CMYA5: variants seen among roughly 807,000 people sequenced by gnomAD.
The protein encoded by CMYA5 is cardiomyopathy associated 5.
In CMYA5, 246 loss-of-function variants were observed where a neutral mutation model predicts 318.9. The ratio of observed to expected loss-of-function variants is 0.77; its 90% CI spans 0.70 to 0.86. The LOEUF (loss-of-function observed/expected upper bound fraction) is 0.86, where lower values mean the gene tolerates loss of function less well. Ranked by LOEUF, CMYA5 falls within the 40% of genes least tolerant of loss-of-function variation. CMYA5 has a pLI of 0.00. For synonymous variants in CMYA5, 1,641 were observed against 1,729.5 expected (o/e 0.95, Z 1.27); for missense variants, 4,589 against 4,678.2 (o/e 0.98, Z 0.56).
chr5:79,769,163 C>T (rs1294980766), intron 9 of CMYA5, among the ~76,000 whole-genome samples: 1 of 152,034 alleles, frequency 6.6e-6, no homozygotes, highest in East Asian at 1.9e-4. Flanking sequence ...TTATGTTCTT[C>T]TCTAAACTGG....
intron 1 of CMYA5, among the ~76,000 whole-genome samples, chr5:79,701,172 C>T (rs764329250): frequency 1.3e-5 from 2 of 151,954 alleles, no homozygotes; most frequent in Non-Finnish European, 2.9e-5. Flanking sequence ...TCACTTGAAC[C>T]CAGCAGGTAG....
Position 79,793,472 on chromosome 5 carries a change from G to C in CMYA5, c.11825G>C (p.Cys3942Ser). The C allele has an allele frequency of 6.2e-7, 1 of 1,613,630 alleles. No individual in the cohort carries two copies. Among genetic ancestry groups the C allele is most frequent in the Non-Finnish European group, 8.5e-7 (1 of 1,179,574 alleles). Residue 3942 changes from cysteine (C) to serine (S), a missense_variant, in exon 12 of 13, where the codon TGT becomes TCT. Coordinates refer to ENST00000446378, the MANE Select transcript of CMYA5 (RefSeq NM_153610.5). Reference sequence around the variant, plus strand: ...GTGCTGGGTGAGGAGCTGCCTTCCTGTGGCCAGCATTACTGGGAAACCACA... The same window carrying C: ...GTGCTGGGTGAGGAGCTGCCTTCCTCTGGCCAGCATTACTGGGAAACCACA... ...PSVLGEELPS[C>S]GQHYWETTVT...
At chr5:79,792,195 T>A (rs562215254) in intron 11 of CMYA5, among the ~76,000 whole-genome samples, 12 of 152,242 alleles carry the variant, frequency 7.9e-5, no homozygotes, top group African/African-American at 2.9e-4. Flanking sequence ...ACTTGTGGGG[T>A]CATTTGTCAG....
chr5:79,704,714 G>T (rs969129851), intron 1 of CMYA5, among the ~76,000 whole-genome samples: 1 of 151,792 alleles, frequency 6.6e-6, no homozygotes, highest in East Asian at 1.9e-4. Context: ...AGAGAAAGAG[G>T]GAGAGAGAGA....
chr5:79,771,462 T>G (rs1372622396), intron 9 of CMYA5, among the ~76,000 whole-genome samples: 1 of 152,196 alleles, frequency 6.6e-6, no homozygotes, highest in African/African-American at 2.4e-5. Context: ...CTGAAATGAC[T>G]CATTCCCTTA....
chr5:79,768,491 C>T (rs1828795826), intron 9 of CMYA5, among the ~76,000 whole-genome samples: 1 of 152,254 alleles, frequency 6.6e-6, no homozygotes, highest in Non-Finnish European at 1.5e-5. Flanking sequence ...GTAAGGTAGG[C>T]CTGGTGGTGA....
At chr5:79,790,852 T>G in intron 10 of CMYA5, 118 bp from the exon 11 acceptor site, 1 of 669,740 alleles carries the variant, frequency 1.5e-6, no homozygotes. Flanking sequence ...CTGAAGACAC[T>G]TCGTGGGGGA....
chr5:79,730,255 A>C lies in CMYA5; in HGVS notation c.1490A>C (p.Glu497Ala). 1 of 1,614,016 alleles carries C rather than the reference A, an allele frequency of 6.2e-7. No homozygotes were observed. The highest frequency in any genetic ancestry group is 8.5e-7 in the Non-Finnish European group (1 of 1,179,886). Reference sequence around the variant, plus strand: ...CTTGAGCCATCCATTTCTCTTTCTGAACCTCTAATGTTAGAAGAACCAGAG... The same window carrying C: ...CTTGAGCCATCCATTTCTCTTTCTGCACCTCTAATGTTAGAAGAACCAGAG... ...NMLEPSISLS[E>A]PLMLEEPEKE... Residue 497 changes from glutamate to alanine, a missense_variant, in exon 2 of 13, where the codon GAA (glutamate) becomes GCA (alanine). Glu to Ala is a moderately radical substitution (Grantham distance 107). Around this residue, in one of 3 missense-constraint regions of CMYA5, gnomAD observed 2,132 missense variants for 2,131.3 expected, o/e 1.00. Transcript: ENST00000446378.
chr5:79,751,126 T>C (rs914137676), intron 5 of CMYA5, among the ~76,000 whole-genome samples: 1 of 152,176 alleles, frequency 6.6e-6, no homozygotes, highest in Non-Finnish European at 1.5e-5. Flanking sequence ...GATCCTTCCT[T>C]AGACACTTGC....
intron 1 of CMYA5, among the ~76,000 whole-genome samples, chr5:79,715,045 A>G (rs6867487): frequency 0.45 from 68,561 of 151,940 alleles, 16,470 homozygotes; most frequent in African/African-American, 0.61. Context: ...TATGTAGATT[A>G]ATTTTTTATA....
chr5:79,777,569 T>C (rs259117), intron 9 of CMYA5, among the ~76,000 whole-genome samples: 66,808 of 151,328 alleles, frequency 0.44, 15,824 homozygotes, highest in African/African-American at 0.59. Flanking sequence ...ATCAGGAGTT[T>C]GAGACCAGCC....
At chr5:79,700,227 A>G (rs6870619) in intron 1 of CMYA5, among the ~76,000 whole-genome samples, 55,557 of 152,150 alleles carry the variant, frequency 0.37, 11,264 homozygotes, top group African/African-American at 0.51. Flanking sequence ...AGAATCATGA[A>G]TTCAGAAACC....
chr5:79,773,716 A>G (rs1828893036), intron 9 of CMYA5, among the ~76,000 whole-genome samples: 1 of 152,180 alleles, frequency 6.6e-6, no homozygotes, highest in Non-Finnish European at 1.5e-5. Flanking sequence ...GAATGAATGA[A>G]TGAATGAAGG....
intron 6 of CMYA5, among the ~76,000 whole-genome samples, chr5:79,757,729 G>A (rs1029010924): frequency 2.6e-5 from 4 of 152,162 alleles, no homozygotes; most frequent in African/African-American, 7.2e-5. Context: ...CAAAGCATGT[G>A]TTTTGTTTTG....
intron 1 of CMYA5, among the ~76,000 whole-genome samples, chr5:79,710,324 CTGTTT>C (rs1827366128): frequency 6.6e-6 from 1 of 151,996 alleles, no homozygotes; most frequent in Non-Finnish European, 1.5e-5. Context: ...TTTAAAAGTT[CTGTTT>C]TAATTGCTAC....
chr5:79,770,913 G>A (rs565121964), intron 9 of CMYA5, among the ~76,000 whole-genome samples: 2 of 152,166 alleles, frequency 1.3e-5, no homozygotes, highest in South Asian at 4.2e-4. Context: ...TCGGGTGGGG[G>A]ACGTTTTGGT....
Position 79,736,250 on chromosome 5 carries a change from A to G in CMYA5, c.7485A>G (p.Gln2495=). ...LRDSNEIGKT[Q]ITLGSRSTEL... is the part of the protein sequence containing the mutation. ...ATAGTAATGAAATAGGGAAGACACA[A>G]ATTACACTTGGATCTAGATCTACTG... The change falls in exon 2 of 13, where the codon CAA becomes CAG. Residue 2495 remains glutamine, a synonymous_variant. Coordinates refer to ENST00000446378, the MANE Select transcript of CMYA5 (RefSeq NM_153610.5). The G allele has an allele frequency of 6.2e-7, 1 of 1,613,452 alleles. No homozygotes were observed. Among genetic ancestry groups the G allele is most frequent in the Non-Finnish European group, 8.5e-7 (1 of 1,179,716 alleles).
intron 12 of CMYA5, among the ~76,000 whole-genome samples, chr5:79,794,404 G>A (rs1009337200): frequency 6.6e-6 from 1 of 152,196 alleles, no homozygotes. Context: ...GTCTCAGAGC[G>A]ATCAGGCAGG....
chr5:79,716,305 A>G (rs781391621), intron 1 of CMYA5, among the ~76,000 whole-genome samples: 14 of 152,262 alleles, frequency 9.2e-5, no homozygotes, highest in Non-Finnish European at 1.5e-4. Flanking sequence ...TGGCTTAGAT[A>G]CAGGACAACA....
Sources: allele counts gnomAD v4.1 joint callset (sites outside exome capture counted in the v4.1 genomes callset), GRCh38; gene constraint gnomAD v4.1.1; regional missense constraint gnomAD v4.1.1; transcripts MANE v1.5; gene names NCBI Gene and HGNC (gene_info 2026-07-23, HGNC 2026-07-21).